The following ZMYND11 variants were observed in gnomAD, a reference collection of about 807,000 sequenced individuals.
The protein encoded by ZMYND11 is zinc finger MYND-type containing 11, also known as zinc finger MYND domain-containing protein 11.
In ZMYND11, 9 loss-of-function variants were observed where a neutral mutation model predicts 84.9. The ratio of observed to expected loss-of-function variants is 0.11; its 90% CI spans 0.06 to 0.18. The LOEUF (loss-of-function observed/expected upper bound fraction) is 0.18, where lower values mean the gene tolerates loss of function less well. ZMYND11 is among the 10% of genes least tolerant of loss of function. The pLI is 1.00. For synonymous variants in ZMYND11, 250 were observed against 244.1 expected (o/e 1.02, Z -0.23); for missense variants, 409 against 761.0 (o/e 0.54, Z 5.44).
intron 3 of ZMYND11, among the ~76,000 whole-genome samples, chr10:212,289 A>C (rs1415595465): frequency 6.6e-6 from 1 of 152,050 alleles, no homozygotes; most frequent in Non-Finnish European, 1.5e-5. Context: ...TCTTGCATAT[A>C]TTTATAGAAT....
chr10:186,007 CTTTT>C (rs1302174625), intron 2 of ZMYND11, among the ~76,000 whole-genome samples: 1 of 142,202 alleles, frequency 7.0e-6, no homozygotes, highest in Non-Finnish European at 1.5e-5. Context: ...ACACAGGATT[CTTTT>C]TTTTTTTTTT....
At chr10:196,478 A>G (rs1941777966) in intron 2 of ZMYND11, among the ~76,000 whole-genome samples, 1 of 152,218 alleles carries the variant, frequency 6.6e-6, no homozygotes, top group African/African-American at 2.4e-5. Flanking sequence ...TAAGATGTAT[A>G]TAATTTGAAA....
intron 8 of ZMYND11, 105 bp from the exon 9 acceptor site, chr10:240,788 A>G: frequency 2.3e-6 from 2 of 877,598 alleles, no homozygotes; most frequent in Non-Finnish European, 3.4e-6. Context: ...AACAAAATTC[A>G]ACACTATTTA....
At chr10:157,621 G>A (rs1842017155) in intron 1 of ZMYND11, among the ~76,000 whole-genome samples, 1 of 152,178 alleles carries the variant, frequency 6.6e-6, no homozygotes, top group South Asian at 2.1e-4. Flanking sequence ...TAAAAATCAG[G>A]AATCCTGGTT....
intron 3 of ZMYND11, among the ~76,000 whole-genome samples, chr10:218,249 C>G (rs181002202): frequency 1.3e-5 from 2 of 152,088 alleles, no homozygotes; most frequent in Admixed American, 1.3e-4. Flanking sequence ...CTAGTAATGA[C>G]TCTTATGTTT....
intron 1 of ZMYND11, 46 bp from the exon 2 acceptor site, chr10:179,948 T>C (rs1455227850): frequency 5.9e-6 from 7 of 1,187,480 alleles, no homozygotes; most frequent in African/African-American, 1.5e-5. Flanking sequence ...TGATAATTCA[T>C]TTTGTAATCT....
chr10:234,394 C>A (rs1006122256), intron 4 of ZMYND11, among the ~76,000 whole-genome samples: 1 of 152,196 alleles, frequency 6.6e-6, no homozygotes, highest in Admixed American at 6.5e-5. Flanking sequence ...GGAAGGGATT[C>A]CTGCCTTGTT....
chr10:203,769 A>G (rs116105554), intron 2 of ZMYND11, among the ~76,000 whole-genome samples: 3 of 152,160 alleles, frequency 2.0e-5, no homozygotes, highest in Admixed American at 2.0e-4. Context: ...GTCTTCTCCC[A>G]TCCCTTGTTC....
At chr10:236,631 A>G (rs1354153490) in intron 4 of ZMYND11, among the ~76,000 whole-genome samples, 5 of 152,218 alleles carry the variant, frequency 3.3e-5, no homozygotes, top group African/African-American at 1.2e-4. Flanking sequence ...CAGGTACAAC[A>G]TAATATTTTA....
At chr10:220,095 T>C (rs1353261401) in intron 3 of ZMYND11, among the ~76,000 whole-genome samples, 1 of 152,088 alleles carries the variant, frequency 6.6e-6, no homozygotes, top group Non-Finnish European at 1.5e-5. Context: ...ATGGAGTGAG[T>C]GCTACATGAA....
intron 14 of ZMYND11, chr10:249,646 GA>G: frequency 1.0e-6 from 1 of 985,334 alleles, no homozygotes. Flanking sequence ...CTCCCCACTA[GA>G]GTGGGAGCTT....
chr10:193,677 C>A (rs2130949921), intron 2 of ZMYND11, among the ~76,000 whole-genome samples: 1 of 152,334 alleles, frequency 6.6e-6, no homozygotes, highest in Admixed American at 6.5e-5. Flanking sequence ...TGTGCAACCA[C>A]CATCTCAATT....
chr10:218,399 G>A (rs1013660955), intron 3 of ZMYND11: 1 of 246,812 alleles, frequency 4.1e-6, no homozygotes, highest in Non-Finnish European at 8.8e-6. Context: ...TGTATTGCCT[G>A]ACATTTAGCA....
chr10:243,715 A>G (rs762483392), intron 10 of ZMYND11, among the ~76,000 whole-genome samples: 5 of 152,178 alleles, frequency 3.3e-5, no homozygotes, highest in Admixed American at 6.5e-5. Flanking sequence ...AATATGAAAA[A>G]TTAGCCATGC....
chr10:188,063 T>A (rs1464084883), intron 2 of ZMYND11, among the ~76,000 whole-genome samples: 1 of 152,220 alleles, frequency 6.6e-6, no homozygotes, highest in Non-Finnish European at 1.5e-5. Flanking sequence ...TGTCTGTAAA[T>A]GCTAAATTAT....
intron 1 of ZMYND11, among the ~76,000 whole-genome samples, chr10:157,890 A>C (rs1842066414): frequency 6.6e-6 from 1 of 152,098 alleles, no homozygotes; most frequent in South Asian, 2.1e-4. Context: ...TTCTCACCCG[A>C]TCCCCGGGCA....
intron 11 of ZMYND11, 39 bp from the exon 12 acceptor site, chr10:247,359 A>C: frequency 6.2e-7 from 1 of 1,605,708 alleles, no homozygotes; most frequent in Non-Finnish European, 8.5e-7. Flanking sequence ...AGTATTTTCT[A>C]GTGTCTGGAA....
chr10:166,963 A>G (rs1170319663), intron 1 of ZMYND11, among the ~76,000 whole-genome samples: 2 of 152,184 alleles, frequency 1.3e-5, no homozygotes, highest in East Asian at 3.8e-4. Flanking sequence ...ATGAACCTAG[A>G]AAACACACTA....
intron 1 of ZMYND11, among the ~76,000 whole-genome samples, chr10:173,194 A>G (rs1845773984): frequency 6.6e-6 from 1 of 152,200 alleles, no homozygotes; most frequent in Non-Finnish European, 1.5e-5. Context: ...TGGTGATAAT[A>G]TTTTAGGTAC....
Sources: gnomAD v4.1 joint callset for allele counts (sites outside exome capture counted in the v4.1 genomes callset) on GRCh38, gnomAD v4.1.1 for gene constraint, MANE v1.5 for transcripts, NCBI Gene and HGNC (gene_info 2026-07-23, HGNC 2026-07-21) for gene names.